Variants in NKAIN2 observed in about 807,000 individuals in gnomAD.
The protein encoded by NKAIN2 is sodium/potassium transporting ATPase interacting 2.
A neutral mutation model predicts 32.6 loss-of-function variants in NKAIN2; 14 were observed. That is an observed-to-expected ratio of 0.43 (90% CI 0.28 to 0.67). NKAIN2 has a LOEUF of 0.67. NKAIN2 is among the 30% of genes least tolerant of loss of function. The probability of loss-of-function intolerance (pLI) is 0.17; values close to 1 mark genes in which losing one functional copy is unlikely to be tolerated. For missense variants in NKAIN2, 198 were observed against 258.3 expected (o/e 0.77, Z 1.60); for synonymous variants, 80 against 87.2 (o/e 0.92, Z 0.46).
At chr6:124,804,958 C>A (rs1243012981) in intron 5 of NKAIN2, among the ~76,000 whole-genome samples, 5 of 152,192 alleles carry the variant, frequency 3.3e-5, no homozygotes, top group Non-Finnish European at 4.4e-5. Context: ...CCCGCCATTG[C>A]CCAGGCTTGC....
intron 4 of NKAIN2, among the ~76,000 whole-genome samples, chr6:124,711,910 T>C (rs1283116249): frequency 1.3e-5 from 2 of 152,120 alleles, no homozygotes; most frequent in Non-Finnish European, 2.9e-5. Flanking sequence ...TTTTAGAGTT[T>C]CCAGTTTTTC....
At chr6:124,695,106 T>C (rs1774436595) in intron 4 of NKAIN2, among the ~76,000 whole-genome samples, 1 of 152,056 alleles carries the variant, frequency 6.6e-6, no homozygotes, top group South Asian at 2.1e-4. Context: ...GTTCTTTGCT[T>C]CTTTTAATGT....
chr6:123,910,499 G>GTTTTTTTTTT lies in NKAIN2; in HGVS notation c.54+106259_54+106268dup, dbSNP rs35165515. On this transcript the variant is annotated intron_variant, in intron 1 of 6. Coordinates refer to ENST00000368417, the MANE Select transcript of NKAIN2 (RefSeq NM_001040214.3). Reference sequence around the variant, plus strand: ...TTTGAGGACATTACCTGCAATGCATGTTTTTTTTTTTTTTTTTTTTTTTGA... The same window carrying GTTTTTTTTTT: ...TTTGAGGACATTACCTGCAATGCATGTTTTTTTTTTTTTTTTTTTTTTTTTTTTTTTTTGA... Among the ~76,000 whole-genome samples, 15 of 81,318 alleles carry GTTTTTTTTTT rather than the reference G, an allele frequency of 1.8e-4. 2 individuals are homozygous for GTTTTTTTTTT. Among genetic ancestry groups the GTTTTTTTTTT allele is most frequent in the African/African-American group, 6.0e-4 (12 of 19,926 alleles). 53.3% of individuals were successfully genotyped at this position (81,318 alleles called of 152,430 possible). A position where few individuals can be genotyped will look rare whatever the true frequency, so the allele number is the denominator to read the frequency against.
chr6:124,627,618 C>T (rs1000918012), intron 3 of NKAIN2, among the ~76,000 whole-genome samples: 1 of 152,116 alleles, frequency 6.6e-6, no homozygotes, highest in African/African-American at 2.4e-5. Flanking sequence ...CTTCATTTTT[C>T]TTTGTGCAAG....
chr6:124,394,352 C>T (rs1251992784), intron 3 of NKAIN2, among the ~76,000 whole-genome samples: 1 of 152,022 alleles, frequency 6.6e-6, no homozygotes, highest in Non-Finnish European at 1.5e-5. Context: ...CTTCCTTTAA[C>T]AGCATAATAC....
At chr6:124,662,058 G>C (rs1021913052) in intron 4 of NKAIN2, among the ~76,000 whole-genome samples, 1 of 152,158 alleles carries the variant, frequency 6.6e-6, no homozygotes, top group African/African-American at 2.4e-5. Flanking sequence ...TCATAGCAAG[G>C]TTGGGAAATA....
At chr6:124,156,727 A>G (rs1788005214) in intron 1 of NKAIN2, among the ~76,000 whole-genome samples, 1 of 152,144 alleles carries the variant, frequency 6.6e-6, no homozygotes, top group Non-Finnish European at 1.5e-5. Flanking sequence ...AACATCACCC[A>G]ACTGCCTTGT....
At chr6:124,812,909 CCTAATT>C (rs1377846769) in intron 5 of NKAIN2, among the ~76,000 whole-genome samples, 1 of 152,086 alleles carries the variant, frequency 6.6e-6, no homozygotes, top group African/African-American at 2.4e-5. Context: ...TCCTCATTCT[CCTAATT>C]CTAATTCAGG....
At chr6:124,808,603 T>G (rs1474850483) in intron 5 of NKAIN2, among the ~76,000 whole-genome samples, 8 of 152,168 alleles carry the variant, frequency 5.3e-5, no homozygotes, top group Non-Finnish European at 1.0e-4. Context: ...TCACCACTCC[T>G]ATTCAACATA....
At chr6:124,685,114 T>C (rs556638831) in intron 4 of NKAIN2, among the ~76,000 whole-genome samples, 179 of 152,304 alleles carry the variant, frequency 1.2e-3, no homozygotes, top group African/African-American at 4.2e-3. Context: ...TTTGTTTACA[T>C]ATTTTAAATC....
chr6:124,719,778 T>G (rs1445998783), intron 4 of NKAIN2, among the ~76,000 whole-genome samples: 1 of 151,994 alleles, frequency 6.6e-6, no homozygotes, highest in Non-Finnish European at 1.5e-5. Context: ...ATTAATGGTA[T>G]GACTTATTTC....
At chr6:124,328,300 A>G (rs1797501093) in intron 2 of NKAIN2, among the ~76,000 whole-genome samples, 1 of 152,216 alleles carries the variant, frequency 6.6e-6, no homozygotes, top group Admixed American at 6.5e-5. Flanking sequence ...TTTATTTTAC[A>G]AATAGAGTAT....
chr6:124,089,873 G>T (rs747387487), intron 1 of NKAIN2, among the ~76,000 whole-genome samples: 17 of 151,890 alleles, frequency 1.1e-4, no homozygotes, highest in Non-Finnish European at 2.2e-4. Flanking sequence ...TACAGTTTAT[G>T]TAAGTTGCCC....
intron 1 of NKAIN2, chr6:123,828,853 AG>A (rs1774257821): frequency 6.6e-6 from 1 of 152,140 alleles, no homozygotes. Context: ...TTCAGCTTAA[AG>A]GTCTTCTGGG....
chr6:124,077,228 C>A (rs577411283), intron 1 of NKAIN2, among the ~76,000 whole-genome samples: 4 of 152,316 alleles, frequency 2.6e-5, no homozygotes, highest in Non-Finnish European at 5.9e-5. Context: ...TGTAAGCATG[C>A]ACGTGAACCA....
chr6:123,897,169 T>C (rs1774325140), intron 1 of NKAIN2, among the ~76,000 whole-genome samples: 1 of 152,180 alleles, frequency 6.6e-6, no homozygotes, highest in African/African-American at 2.4e-5. Flanking sequence ...ATAATTTTAA[T>C]CATATCACTT....
intron 3 of NKAIN2, among the ~76,000 whole-genome samples, chr6:124,631,149 A>C (rs950458886): frequency 6.6e-6 from 1 of 152,114 alleles, no homozygotes; most frequent in Non-Finnish European, 1.5e-5. Flanking sequence ...CCATTTCACG[A>C]GAGTGTTTAA....
intron 3 of NKAIN2, among the ~76,000 whole-genome samples, chr6:124,556,156 CT>C (rs1780467999): frequency 6.6e-6 from 1 of 150,470 alleles, no homozygotes; most frequent in African/African-American, 2.4e-5. Flanking sequence ...ACTCAGCCTA[CT>C]TTTATCCTAC....
At chr6:123,819,122 A>G (rs765257693) in intron 1 of NKAIN2, among the ~76,000 whole-genome samples, 6 of 152,164 alleles carry the variant, frequency 3.9e-5, no homozygotes, top group Non-Finnish European at 8.8e-5. Context: ...CTCAGAATAC[A>G]TTCTTTATTT....
Sources: gnomAD v4.1 joint callset for allele counts (sites outside exome capture counted in the v4.1 genomes callset) on GRCh38, gnomAD v4.1.1 for gene constraint, MANE v1.5 for transcripts, NCBI Gene and HGNC (gene_info 2026-07-23, HGNC 2026-07-21) for gene names.